The following SERPINE2 variants were observed in gnomAD, a reference collection of about 807,000 sequenced individuals.
SERPINE2 encodes glia-derived nexin.
SERPINE2 carries 14 observed loss-of-function variants against 36.3 expected under a neutral mutation model. The ratio of observed to expected loss-of-function variants is 0.39; its 90% CI spans 0.25 to 0.60. The LOEUF (loss-of-function observed/expected upper bound fraction) is 0.60. Among genes scored for constraint, SERPINE2 ranks in the 20% least tolerant of loss-of-function variants. SERPINE2 has a pLI of 0.57. For missense variants in SERPINE2, 418 were observed against 499.6 expected, an observed-to-expected ratio of 0.84 and a Z score of 1.56; for synonymous variants, 192 against 191.8, an observed-to-expected ratio of 1.00 and a Z score of -0.01.
rs569599231 is a variant in SERPINE2, at chr2:223,998,339, A to G, written c.263T>C (p.Val88Ala). 5.6e-6 allele frequency: 9 copies of G among 1,608,644 alleles called. No homozygotes were observed. The highest frequency in any genetic ancestry group is 2.2e-5 in the East Asian group (1 of 44,856). ...GTTGATCTTCTTTAATATTTTACCA[A>G]CTCCTAAAAGAGAAATCAGAAGATA... ...AMVMRYGVNG[V>A]GKILKKINKA... Residue 88 changes from valine to alanine, a missense_variant, in exon 3 of 9, where the codon GTT becomes GCT. Val to Ala is a moderately conservative substitution (Grantham distance 64, BLOSUM62 0). Coordinates refer to ENST00000409304, the MANE Select transcript of SERPINE2 (RefSeq NM_001136528.2).
In SERPINE2 at chr2:223,997,323, C is replaced by T. The variant is rs372672408; in HGVS notation, c.487+792G>A. 3.3e-5 allele frequency among the ~76,000 whole-genome samples: 5 copies of T among 152,234 alleles called. No individual in the cohort carries two copies. In the East Asian group the frequency reaches 5.8e-4, roughly 18 times the overall value. The stretch of plus-strand genomic sequence containing the variant: ...GCAATCTCCCCCTCCCAGGTTCAAG[C>T]GATTCTCCTGCCTCAGCCTCCCAAG... On this transcript the variant is annotated intron_variant, in intron 3 of 8. Transcript: ENST00000409304.
intron 1 of SERPINE2, among the ~76,000 whole-genome samples, chr2:224,032,508 CG>C (rs1320341975): frequency 6.6e-6 from 1 of 151,952 alleles, no homozygotes; most frequent in East Asian, 1.9e-4. Context: ...GGGTGGGGCA[CG>C]GTTTACAAAA....
rs191780902 is a variant in SERPINE2, at chr2:224,013,860, G to A, written c.-22-11938C>T. On this transcript the variant is annotated intron_variant, in intron 1 of 8. Coordinates refer to ENST00000409304, the MANE Select transcript of SERPINE2 (RefSeq NM_001136528.2). ...ACTCAGCCTGGGGTTCACACCTTCCGCAGTGCTTGTTGCAGGAGGTTCAGT... is the reference window on the plus strand; with the variant it reads ...ACTCAGCCTGGGGTTCACACCTTCCACAGTGCTTGTTGCAGGAGGTTCAGT... 6.6e-5 allele frequency: 10 copies of A among 152,328 alleles called. No individual in the cohort carries two copies. In the East Asian group the frequency reaches 7.7e-4, roughly 12 times the overall value. The allele number at this position is 152,328 out of a possible 1,614,324, so 9.4% of individuals were successfully genotyped here.
At position 223,991,874 on chromosome 2, in the gene SERPINE2, C is replaced by T. The variant is rs778851444; in HGVS notation, c.614G>A (p.Arg205His). ...SRFQPENTKK[R>H]TFVAADGKSY... ...TTTCCCGTCGGCTGCCACGAAAGTG[C>T]GTTTCTTTGTGTTCTCGGGTTGGAA... Residue 205 changes from arginine (R) to histidine (H), a missense_variant, in exon 4 of 9, where the codon CGC becomes CAC. Coordinates refer to ENST00000409304, the MANE Select transcript of SERPINE2 (RefSeq NM_001136528.2). 5.0e-6 allele frequency: 8 copies of T among 1,613,146 alleles called. No homozygotes were observed. The highest frequency in any genetic ancestry group is 1.1e-5 in the South Asian group (1 of 90,914).
intron 1 of SERPINE2, among the ~76,000 whole-genome samples, chr2:224,002,356 G>A (rs1024387419): frequency 3.3e-5 from 5 of 152,174 alleles, no homozygotes; most frequent in African/African-American, 1.2e-4. Context: ...ATTTAAGACA[G>A]AACAGTGTAA....
intron 4 of SERPINE2, among the ~76,000 whole-genome samples, chr2:223,990,105 G>A (rs1280903587): frequency 1.3e-5 from 2 of 152,134 alleles, no homozygotes; most frequent in African/African-American, 4.8e-5. Context: ...GGCTTGGGAA[G>A]TTAGTACCCT....
chr2:224,023,045 T>A (rs141206317), intron 1 of SERPINE2, among the ~76,000 whole-genome samples: 289 of 152,354 alleles, frequency 1.9e-3, no homozygotes, highest in Non-Finnish European at 3.0e-3. Context: ...TGAGGAACTG[T>A]GAGTCAATTA....
chr2:224,036,571 G>A (rs552302047), intron 1 of SERPINE2, among the ~76,000 whole-genome samples: 2 of 150,554 alleles, frequency 1.3e-5, no homozygotes, highest in Non-Finnish European at 2.9e-5. Context: ...ACCATGGCAC[G>A]TGTATACCTA....
chr2:223,998,872 A>C (rs1387646440), intron 2 of SERPINE2, among the ~76,000 whole-genome samples: 4 of 152,194 alleles, frequency 2.6e-5, no homozygotes, highest in African/African-American at 9.7e-5. Flanking sequence ...TTCTGCATCA[A>C]AACAGGAATA....
At chr2:224,031,590 C>T (rs1304039850) in intron 1 of SERPINE2, 2 of 720,126 alleles carry the variant, frequency 2.8e-6, no homozygotes. Context: ...AATCACAGGA[C>T]CTCACTCCTC....
intron 3 of SERPINE2, among the ~76,000 whole-genome samples, chr2:223,995,573 G>A (rs13397106): frequency 0.26 from 40,053 of 152,148 alleles, 6,406 homozygotes; most frequent in African/African-American, 0.45. Context: ...CCAGAACCTC[G>A]TTCTTTTTCG....
intron 4 of SERPINE2, among the ~76,000 whole-genome samples, chr2:223,990,013 A>C (rs1306539513): frequency 6.6e-6 from 1 of 152,050 alleles, no homozygotes; most frequent in African/African-American, 2.4e-5. Flanking sequence ...ACCCAGAGAG[A>C]AAGAGCTCTT....
chr2:224,033,024 A>G (rs150652135), intron 1 of SERPINE2, among the ~76,000 whole-genome samples: 1 of 152,322 alleles, frequency 6.6e-6, no homozygotes, highest in African/African-American at 2.4e-5. Context: ...AAATCATACT[A>G]ATCTCTCAGT....
chr2:224,034,140 C>T (rs1023881415), intron 1 of SERPINE2, among the ~76,000 whole-genome samples: 5 of 152,158 alleles, frequency 3.3e-5, no homozygotes, highest in Non-Finnish European at 5.9e-5. Flanking sequence ...AACTAAAACA[C>T]AGGCACGTCT....
intron 1 of SERPINE2, chr2:224,038,600 C>T: frequency 1.7e-6 from 2 of 1,143,646 alleles, no homozygotes; most frequent in South Asian, 1.3e-5. Context: ...AAGGCTTTCC[C>T]CACACCGCGC....
intron 1 of SERPINE2, among the ~76,000 whole-genome samples, chr2:224,029,907 G>A (rs2106200818): frequency 6.6e-6 from 1 of 152,238 alleles, no homozygotes; most frequent in East Asian, 1.9e-4. Context: ...ACTATGTTCA[G>A]GCTGTTTTTG....
At chr2:223,985,324 G>C (rs1162451088) in intron 4 of SERPINE2, among the ~76,000 whole-genome samples, 4 of 147,466 alleles carry the variant, frequency 2.7e-5, no homozygotes, top group Admixed American at 6.7e-5. Flanking sequence ...TTTAAATAAA[G>C]TGTATTGTGT....
intron 1 of SERPINE2, among the ~76,000 whole-genome samples, chr2:224,029,199 G>T (rs1383732423): frequency 6.6e-6 from 1 of 152,146 alleles, no homozygotes; most frequent in Non-Finnish European, 1.5e-5. Flanking sequence ...GATTCTTTTA[G>T]TATACACATT....
chr2:224,021,961 C>A (rs1692017502), intron 1 of SERPINE2, among the ~76,000 whole-genome samples: 1 of 151,976 alleles, frequency 6.6e-6, no homozygotes, highest in Non-Finnish European at 1.5e-5. Context: ...AGATCGAGAC[C>A]ATCCTGGCTA....
Sources: allele counts gnomAD v4.1 joint callset (sites outside exome capture counted in the v4.1 genomes callset), GRCh38; gene constraint gnomAD v4.1.1; transcripts MANE v1.5; gene names NCBI Gene and HGNC (gene_info 2026-07-23, HGNC 2026-07-21).